The following RYR2 variants were observed in gnomAD, a reference collection of about 807,000 sequenced individuals.
The protein encoded by RYR2 is cardiac muscle ryanodine receptor-calcium release channel.
RYR2 carries 227 observed loss-of-function variants against 601.1 expected under a neutral mutation model. The ratio of observed to expected loss-of-function variants is 0.38; its 90% CI spans 0.34 to 0.42. The LOEUF (loss-of-function observed/expected upper bound fraction) is 0.42. Among genes scored for constraint, RYR2 ranks in the 10% least tolerant of loss-of-function variants. The pLI is 1.00. For synonymous variants in RYR2, 2,223 were observed against 2,175.1 expected (o/e 1.02, Z -0.61); for missense variants, 4,646 against 6,156.5 (o/e 0.75, Z 8.21).
chr1:237,481,820 A>G (rs1251700072), intron 17 of RYR2, among the ~76,000 whole-genome samples: 1 of 148,934 alleles, frequency 6.7e-6, no homozygotes, highest in Admixed American at 6.6e-5. Flanking sequence ...AAAAAAAAAA[A>G]AAAAAAAAAA....
chr1:237,306,637 T>A (rs1693894712), intron 2 of RYR2, among the ~76,000 whole-genome samples: 2 of 152,328 alleles, frequency 1.3e-5, no homozygotes, highest in East Asian at 1.9e-4. Flanking sequence ...CAGCTTTGAC[T>A]TTTTTCGTGT....
chr1:237,827,724 G>C (rs1458423187), intron 101 of RYR2, among the ~76,000 whole-genome samples: 1 of 151,612 alleles, frequency 6.6e-6, no homozygotes, highest in East Asian at 1.9e-4. Context: ...GGATCACAAG[G>C]CCAGGAGATC....
In RYR2 at chr1:237,819,473, C is replaced by G. The variant is rs767270572; in HGVS notation, c.14590+281C>G. Among the ~76,000 whole-genome samples, 1 of 152,174 alleles carries G rather than the reference C, an allele frequency of 6.6e-6. No individual in the cohort carries two copies. The highest frequency in any genetic ancestry group is 1.5e-5 in the Non-Finnish European group (1 of 68,046). On this transcript the variant is annotated intron_variant, in intron 101 of 104. Coordinates refer to ENST00000366574, the MANE Select transcript of RYR2 (RefSeq NM_001035.3). The surrounding 1 kb of genome is among the most constrained non-coding windows in gnomAD (Gnocchi z 4.0). ...TTGATTCTCACCTCTGGGTTTCAGA[C>G]TCATGAACCCCAGCTTTACAATCTT...
At chr1:237,565,684 C>G (rs1671995371) in intron 27 of RYR2, among the ~76,000 whole-genome samples, 3 of 152,138 alleles carry the variant, frequency 2.0e-5, no homozygotes, top group Admixed American at 2.0e-4. Flanking sequence ...TCTGAAATTT[C>G]CTCCTCTGCA....
intron 84 of RYR2, among the ~76,000 whole-genome samples, chr1:237,766,984 A>G (rs1693894719): frequency 1.3e-5 from 2 of 152,176 alleles, no homozygotes; most frequent in South Asian, 4.1e-4. Context: ...TTAGAAATTT[A>G]GGTCATTTGA....
intron 51 of RYR2, among the ~76,000 whole-genome samples, chr1:237,652,739 G>T (rs576703117): frequency 4.0e-5 from 6 of 151,896 alleles, no homozygotes; most frequent in Non-Finnish European, 7.4e-5. Context: ...TGGAAAATTC[G>T]TGAAAAAAGA....
intron 42 of RYR2, among the ~76,000 whole-genome samples, chr1:237,633,176 A>G (rs146504098): frequency 6.6e-6 from 1 of 152,296 alleles, no homozygotes; most frequent in East Asian, 1.9e-4. Context: ...AAATCAGCTC[A>G]ATGAATTCAC....
At chr1:237,831,372 C>T (rs2102954619) in intron 103 of RYR2, 142 bp from the exon 104 acceptor site, 1 of 576,372 alleles carries the variant, frequency 1.7e-6, no homozygotes. Flanking sequence ...TTCTGGTACA[C>T]TAATTTTTCC....
chr1:237,312,374 A>G (rs1413098213), intron 2 of RYR2, among the ~76,000 whole-genome samples: 1 of 152,218 alleles, frequency 6.6e-6, no homozygotes, highest in Non-Finnish European at 1.5e-5. Flanking sequence ...CAATGACTTT[A>G]CTGTGGACTG....
chr1:237,357,943 G>A (rs1421153678), intron 4 of RYR2, among the ~76,000 whole-genome samples: 1 of 152,154 alleles, frequency 6.6e-6, no homozygotes, highest in Admixed American at 6.5e-5. Context: ...ATGTGTAAAT[G>A]TTGCAGCAAA....
chr1:237,760,335 GAC>G (rs1693316868), intron 83 of RYR2, among the ~76,000 whole-genome samples: 1 of 123,332 alleles, frequency 8.1e-6, no homozygotes, highest in Admixed American at 1.1e-4. Context: ...CAGCCTGAGA[GAC>G]AGAGTGAGAC....
chr1:237,756,344 T>A lies in RYR2; in HGVS notation c.11202T>A (p.Arg3734=), dbSNP rs763792914. ...ACCAGCAAGCCCGACTCCACGATCG[T>A]GGCGCGGCTGAGATGGTGCTACAGA... ...LLYQQARLHD[R]GAAEMVLQTI... Residue 3734 remains arginine, a synonymous_variant, in exon 81 of 105, where the codon CGT becomes CGA. Transcript: ENST00000366574. 3.1e-6 allele frequency: 5 copies of A among 1,613,524 alleles called. No individual in the cohort carries two copies. Among genetic ancestry groups the A allele is most frequent in the Non-Finnish European group, 4.2e-6 (5 of 1,179,658 alleles).
At chr1:237,769,848 GT>G (rs1028229289) in intron 84 of RYR2, among the ~76,000 whole-genome samples, 17 of 150,218 alleles carry the variant, frequency 1.1e-4, no homozygotes, top group East Asian at 7.8e-4. Context: ...ATGTGGAAGT[GT>G]TTTTTTTCCC....
At chr1:237,746,534 CAT>C (rs757733232) in intron 80 of RYR2, among the ~76,000 whole-genome samples, 5 of 151,580 alleles carry the variant, frequency 3.3e-5, no homozygotes, top group Non-Finnish European at 7.4e-5. Context: ...CTTCTTCCAT[CAT>C]ATATATATAT....
chr1:237,107,389 C>T (rs148466036), intron 1 of RYR2, among the ~76,000 whole-genome samples: 21,248 of 150,662 alleles, frequency 0.14, 1,637 homozygotes, highest in Non-Finnish European at 0.16. Flanking sequence ...GACGTGGTGG[C>T]GGGCGCCTGT....
At chr1:237,061,295 CTATCTA>C (rs1558164276) in intron 1 of RYR2, among the ~76,000 whole-genome samples, 1 of 149,526 alleles carries the variant, frequency 6.7e-6, no homozygotes, top group African/African-American at 2.4e-5. Context: ...ATCTATCTAT[CTATCTA>C]TCTATCTATC....
intron 25 of RYR2, among the ~76,000 whole-genome samples, chr1:237,541,771 T>G (rs1669291761): frequency 6.6e-6 from 1 of 151,068 alleles, no homozygotes; most frequent in African/African-American, 2.4e-5. Context: ...TGGGCAGGAG[T>G]GGGGGTCACA....
rs528069540 is a variant in RYR2, at chr1:237,819,754, G to T, written c.14590+562G>T. 2.6e-5 allele frequency among the ~76,000 whole-genome samples: 4 copies of T among 152,210 alleles called. No homozygotes were observed. In the South Asian group the frequency reaches 6.2e-4, roughly 24 times the overall value. The stretch of plus-strand genomic sequence containing the variant: ...AATTGCTTGAACCCGGGAGGTGGAG[G>T]TTGCAGTGAGCCAAGATCACGCCAC... On this transcript the variant is annotated intron_variant, in intron 101 of 104. Coordinates refer to ENST00000366574, the MANE Select transcript of RYR2 (RefSeq NM_001035.3). The surrounding 1 kb of genome is among the most constrained non-coding windows in gnomAD (Gnocchi z 4.0).
intron 1 of RYR2, among the ~76,000 whole-genome samples, chr1:237,069,847 C>T (rs1664088141): frequency 6.6e-6 from 1 of 152,002 alleles, no homozygotes; most frequent in African/African-American, 2.4e-5. Context: ...CTAACAATTG[C>T]ATTTTATTAG....
Sources: gnomAD v4.1 joint callset for allele counts (sites outside exome capture counted in the v4.1 genomes callset) on GRCh38, gnomAD v4.1.1 for gene constraint, Gnocchi (gnomAD v3.1) non-coding constraint, MANE v1.5 for transcripts, NCBI Gene and HGNC (gene_info 2026-07-23, HGNC 2026-07-21) for gene names.